Variants in IGF2R observed in about 807,000 individuals in gnomAD.
IGF2R encodes insulin like growth factor 2 receptor, also known as cation-independent mannose-6-phosphate receptor.
In IGF2R, 91 loss-of-function variants were observed where a neutral mutation model predicts 270.6. The observed-to-expected ratio is 0.34, with a 90% CI of 0.28 to 0.40. The LOEUF is 0.40. IGF2R is among the 10% of genes least tolerant of loss of function. The probability of loss-of-function intolerance (pLI) is 1.00; values close to 1 mark genes in which losing one functional copy is unlikely to be tolerated. For missense variants in IGF2R, 2,805 were observed against 3,188.3 expected (o/e 0.88, Z 2.90); for synonymous variants, 1,316 against 1,258.9 (o/e 1.05, Z -0.96).
chr6:159,980,808 G>A (rs932536388), intron 1 of IGF2R, among the ~76,000 whole-genome samples: 1 of 152,176 alleles, frequency 6.6e-6, no homozygotes, highest in South Asian at 2.1e-4. Context: ...TGAATTCTGC[G>A]CTGGGGGCTG....
At chr6:159,990,219 A>G (rs1279181369) in intron 1 of IGF2R, among the ~76,000 whole-genome samples, 7 of 152,186 alleles carry the variant, frequency 4.6e-5, no homozygotes, top group Non-Finnish European at 1.5e-5. Flanking sequence ...GTCTTGAGCA[A>G]TTACTGATTA....
intron 39 of IGF2R, 35 bp downstream of exon 39, chr6:160,080,310 G>C (rs1329452348): frequency 1.9e-6 from 3 of 1,602,964 alleles, no homozygotes; most frequent in East Asian, 2.2e-5. Context: ...CACATGGCCT[G>C]GGGCCTTGAT....
At chr6:160,074,083 T>G in intron 35 of IGF2R, 108 bp downstream of exon 35, 1 of 757,950 alleles carries the variant, frequency 1.3e-6, no homozygotes, top group Non-Finnish European at 2.2e-6. Context: ...ATAAAAAAAA[T>G]GGAGAAAGTA....
At chr6:160,030,822 GTTT>G (rs554469035) in intron 7 of IGF2R, among the ~76,000 whole-genome samples, 1 of 133,660 alleles carries the variant, frequency 7.5e-6, no homozygotes. Context: ...AGTTCCCTCT[GTTT>G]TTTTTTTTTT....
chr6:160,015,463 G>A (rs1054221946), intron 4 of IGF2R, among the ~76,000 whole-genome samples: 6 of 151,946 alleles, frequency 3.9e-5, no homozygotes, highest in African/African-American at 1.5e-4. Context: ...CGGAAGTTGG[G>A]TGCCCCTACT....
intron 17 of IGF2R, 131 bp downstream of exon 17, chr6:160,048,038 G>A: frequency 5.7e-6 from 4 of 700,638 alleles, no homozygotes; most frequent in Admixed American, 4.3e-5. Flanking sequence ...CCAAGGTGGG[G>A]CATTTTCAGC....
At chr6:160,083,660 A>G (rs1036399670) in intron 39 of IGF2R, among the ~76,000 whole-genome samples, 9 of 152,240 alleles carry the variant, frequency 5.9e-5, no homozygotes, top group Non-Finnish European at 1.2e-4. Context: ...GAGAATGGCA[A>G]TGACTTTTAC....
intron 37 of IGF2R, 85 bp downstream of exon 37, chr6:160,078,447 T>C: frequency 7.6e-7 from 1 of 1,315,904 alleles, no homozygotes. Context: ...TTGGATAATG[T>C]GGTACCTGTG....
At position 160,051,070 on chromosome 6, in the gene IGF2R, A is replaced by G. The variant is rs117479186; in HGVS notation, c.2694+418A>G. Among the ~76,000 whole-genome samples the G allele has an allele frequency of 1.8e-4, 27 of 152,328 alleles. No homozygotes were observed. In the East Asian group the frequency reaches 4.6e-3, roughly 26 times the overall value. On this transcript the variant is annotated intron_variant, in intron 19 of 47. Transcript: ENST00000356956. ...AAGTTTCCCTGAAAATCAGCTGTCAACAGGAGAAAAGACATTAAAATTTTG... is the reference window on the plus strand; with the variant it reads ...AAGTTTCCCTGAAAATCAGCTGTCAGCAGGAGAAAAGACATTAAAATTTTG...
At chr6:160,073,676 G>C in intron 34 of IGF2R, 81 bp from the exon 35 acceptor site, 2 of 1,264,642 alleles carry the variant, frequency 1.6e-6, no homozygotes, top group Non-Finnish European at 2.2e-6. Context: ...TTGTTATTCA[G>C]CTTTTAAATT....
Position 160,075,927 on chromosome 6 carries a change from T to C in IGF2R, c.5247T>C (p.Pro1749=), listed in dbSNP as rs1296078967. 6.2e-7 allele frequency: 1 copy of C among 1,613,954 alleles called. No individual in the cohort carries two copies. Among genetic ancestry groups the C allele is most frequent in the Non-Finnish European group, 8.5e-7 (1 of 1,179,884 alleles). Residue 1749 remains proline, a synonymous_variant, in exon 36 of 48, where the codon CCT becomes CCC. Coordinates refer to ENST00000356956, the MANE Select transcript of IGF2R (RefSeq NM_000876.4). ...EIYLNFESST[P]CLADKHFNYT... ...ACTTGAATTTTGAAAGCAGTACTCCTTGCTTAGCGGACAAGCATTTCAACT... is the reference window on the plus strand; with the variant it reads ...ACTTGAATTTTGAAAGCAGTACTCCCTGCTTAGCGGACAAGCATTTCAACT...
chr6:160,084,177 G>C lies in IGF2R; in HGVS notation c.6061G>C (p.Gly2021Arg). The part of the protein sequence containing the change: ...LTGSWSLVHN[G>R]VSYYINLCQK... ...CGGGTCCTGGTCCCTCGTCCACAAC[G>C]GAGTCTCGTGAGTGCCTTCCCAGTC... The change falls in exon 40 of 48, where the codon GGA becomes CGA. Residue 2021 changes from glycine to arginine, a missense_variant. Around this residue, in one of 2 missense-constraint regions of IGF2R, gnomAD observed 1,851 missense variants for 2,207.2 expected, o/e 0.84. Transcript: ENST00000356956. This position sits in a 1 kb window ranked among gnomAD's most constrained non-coding sequence, Gnocchi z 4.6. 6.2e-7 allele frequency: 1 copy of C among 1,604,864 alleles called. No homozygotes were observed. The highest frequency in any genetic ancestry group is 8.5e-7 in the Non-Finnish European group (1 of 1,171,632).
rs144713599 is a variant in IGF2R at position 160,069,057 on chromosome 6, G to A, written c.4252+672G>A. The stretch of plus-strand genomic sequence containing the variant: ...GCAGGTAGAAGATGGGGGGTGTGAC[G>A]TGGAGGTCTTGGTGTGTGCCTGCGT... On this transcript the variant is annotated intron_variant, in intron 30 of 47. Coordinates refer to ENST00000356956, the MANE Select transcript of IGF2R (RefSeq NM_000876.4). Among the ~76,000 whole-genome samples, 213 of 152,196 alleles carry A rather than the reference G, an allele frequency of 1.4e-3. 1 individual carries two copies. Among genetic ancestry groups the A allele is most frequent in the Non-Finnish European group, 2.6e-3 (176 of 68,002 alleles).
chr6:160,073,028 G>C (rs1019096979), intron 33 of IGF2R, 144 bp downstream of exon 33: 28 of 1,369,182 alleles, frequency 2.0e-5, no homozygotes, highest in Non-Finnish European at 2.8e-5. Flanking sequence ...CACCCCATGT[G>C]GGGGACACAT....
chr6:160,014,444 T>G (rs888089347), intron 4 of IGF2R, among the ~76,000 whole-genome samples: 1 of 152,042 alleles, frequency 6.6e-6, no homozygotes, highest in Non-Finnish European at 1.5e-5. Flanking sequence ...TTCTGTGGAG[T>G]GCTGTGTGAG....
At chr6:159,982,150 G>A (rs933575176) in intron 1 of IGF2R, among the ~76,000 whole-genome samples, 1 of 152,176 alleles carries the variant, frequency 6.6e-6, no homozygotes, top group Admixed American at 6.5e-5. Flanking sequence ...AGTTGTTGAC[G>A]ACAGTGGTTA....
chr6:160,032,675 A>G lies in IGF2R; in HGVS notation c.1007A>G (p.Asp336Gly). 6.2e-7 allele frequency: 1 copy of G among 1,614,174 alleles called. No individual in the cohort carries two copies. Among genetic ancestry groups the G allele is most frequent in the Non-Finnish European group, 8.5e-7 (1 of 1,180,040 alleles). The change falls in exon 8 of 48, where the codon GAT becomes GGT. Residue 336 changes from aspartate to glycine, a missense_variant. Coordinates refer to ENST00000356956, the MANE Select transcript of IGF2R (RefSeq NM_000876.4). ...TGTTCTCTGAGCGGCGAGCAGCAGG[A>G]TGTCTCCATAGACCTCACACCACTT... ...KTCSLSGEQQ[D>G]VSIDLTPLAQ... is the part of the protein sequence containing the mutation.
chr6:159,970,678 A>G (rs949144454), intron 1 of IGF2R, among the ~76,000 whole-genome samples: 1 of 152,250 alleles, frequency 6.6e-6, no homozygotes, highest in African/African-American at 2.4e-5. Flanking sequence ...TAGTTACTCC[A>G]GTAACTAGTA....
At chr6:160,017,000 C>G (rs1448930755) in intron 4 of IGF2R, among the ~76,000 whole-genome samples, 1 of 152,068 alleles carries the variant, frequency 6.6e-6, no homozygotes, top group Non-Finnish European at 1.5e-5. Context: ...TATTAATCTT[C>G]CAGAAACAGA....
Sources: allele counts gnomAD v4.1 joint callset (sites outside exome capture counted in the v4.1 genomes callset), GRCh38; gene constraint gnomAD v4.1.1; regional missense constraint gnomAD v4.1.1; non-coding constraint Gnocchi (gnomAD v3.1); transcripts MANE v1.5; gene names NCBI Gene and HGNC (gene_info 2026-07-23, HGNC 2026-07-21).